The following RUVBL1 variants were observed in gnomAD, a reference collection of about 807,000 sequenced individuals.
RUVBL1 encodes RuvB like AAA ATPase 1.
RUVBL1 carries 4 observed loss-of-function variants against 52.4 expected under a neutral mutation model. That is an observed-to-expected ratio of 0.08 (90% CI 0.04 to 0.17). RUVBL1 has a LOEUF of 0.17. Among genes scored for constraint, RUVBL1 ranks in the 10% least tolerant of loss-of-function variants. The probability of loss-of-function intolerance (pLI) is 1.00; values close to 1 mark genes in which losing one functional copy is unlikely to be tolerated. For synonymous variants in RUVBL1, 217 were observed against 214.4 expected, an observed-to-expected ratio of 1.01 and a Z score of -0.10; for missense variants, 298 against 572.8, an observed-to-expected ratio of 0.52 and a Z score of 4.90.
intron 9 of RUVBL1, among the ~76,000 whole-genome samples, chr3:128,086,475 C>T (rs777718111): frequency 1.3e-4 from 20 of 152,218 alleles, no homozygotes; most frequent in Admixed American, 5.2e-4. Context: ...TCACTGCAGC[C>T]CCAGTCTGCT....
intron 1 of RUVBL1, among the ~76,000 whole-genome samples, chr3:128,130,384 C>G (rs1251289318): frequency 4.5e-4 from 69 of 151,940 alleles, no homozygotes; most frequent in Non-Finnish European, 4.4e-5. Context: ...AGTAAGGAGA[C>G]TGAGTCAGTA....
intron 7 of RUVBL1, among the ~76,000 whole-genome samples, chr3:128,098,473 C>G (rs539829863): frequency 3.9e-5 from 6 of 152,288 alleles, no homozygotes; most frequent in African/African-American, 1.4e-4. Context: ...CACAGGGGAG[C>G]AGCAGCAGTG....
intron 1 of RUVBL1, among the ~76,000 whole-genome samples, chr3:128,137,139 G>A (rs13069054): frequency 0.15 from 23,529 of 151,900 alleles, 2,202 homozygotes; most frequent in African/African-American, 0.26. Flanking sequence ...TAACTTACTG[G>A]TGCATCTTAA....
intron 1 of RUVBL1, among the ~76,000 whole-genome samples, chr3:128,130,714 G>C (rs957341433): frequency 2.0e-5 from 3 of 151,252 alleles, no homozygotes; most frequent in African/African-American, 7.3e-5. Flanking sequence ...GCAGTGGCGC[G>C]ATCTCGGCTC....
rs755173813 is a variant in RUVBL1 at position 128,065,228 on chromosome 3, T to A, written c.940-8A>T. ...TTCATTGAGTCATGGGACCTGCCATTAACGAAACAAAATTAAGGCAGTTCT... is the reference window on the plus strand; with the variant it reads ...TTCATTGAGTCATGGGACCTGCCATAAACGAAACAAAATTAAGGCAGTTCT... On this transcript the variant is annotated splice_region_variant and splice_polypyrimidine_tract_variant and intron_variant, in intron 9 of 9. Coordinates refer to the RUVBL1 transcript ENST00000464873. The A allele has an allele frequency of 3.1e-4, 213 of 694,170 alleles. 1 individual carries two copies. Among genetic ancestry groups the A allele is most frequent in the South Asian group, 9.4e-4 (59 of 62,614 alleles). The allele number at this position is 694,170 out of a possible 1,614,324, so 43.0% of individuals were successfully genotyped here.
At chr3:128,107,439 T>G (rs374338147) in intron 3 of RUVBL1, among the ~76,000 whole-genome samples, 1 of 152,246 alleles carries the variant, frequency 6.6e-6, no homozygotes, top group East Asian at 1.9e-4. Context: ...TTAAGCTACC[T>G]CCGTTCTGAT....
At chr3:128,144,420 C>T (rs1379593865) in intron 1 of RUVBL1, among the ~76,000 whole-genome samples, 2 of 152,226 alleles carry the variant, frequency 1.3e-5, no homozygotes, top group Non-Finnish European at 2.9e-5. Context: ...GAACCAGCAT[C>T]GCATTAACAT....
chr3:128,150,572 A>G (rs1576494930), intron 1 of RUVBL1, among the ~76,000 whole-genome samples: 2 of 143,918 alleles, frequency 1.4e-5, no homozygotes, highest in East Asian at 4.0e-4. Flanking sequence ...TATATTCCAT[A>G]TATATATTCC....
At chr3:128,101,118 C>T (rs1045707794) in intron 5 of RUVBL1, among the ~76,000 whole-genome samples, 2 of 152,184 alleles carry the variant, frequency 1.3e-5, no homozygotes, top group Non-Finnish European at 2.9e-5. Flanking sequence ...ATCCATTAAA[C>T]AGTGAGGAAC....
intron 1 of RUVBL1, among the ~76,000 whole-genome samples, chr3:128,130,568 T>G (rs929999197): frequency 2.0e-5 from 3 of 147,260 alleles, no homozygotes; most frequent in African/African-American, 7.6e-5. Context: ...CAAGACCAGG[T>G]TGGGAAATAG....
chr3:128,088,445 T>C (rs557391214), intron 8 of RUVBL1, among the ~76,000 whole-genome samples: 2 of 148,620 alleles, frequency 1.3e-5, no homozygotes, highest in African/African-American at 4.9e-5. Flanking sequence ...TATTATAGTA[T>C]ATACTAATTA....
exon 1 of RUVBL1, chr3:128,153,368 A>C (rs1472365772): frequency 1.4e-6 from 2 of 1,387,098 alleles, no homozygotes; most frequent in African/African-American, 3.1e-5. Flanking sequence ...CGTGAGCCTC[A>C]GGAGGGCGGA....
chr3:128,075,800 C>A (rs546387341), intron 9 of RUVBL1: 1 of 152,336 alleles, frequency 6.6e-6, no homozygotes, highest in African/African-American at 2.4e-5. Flanking sequence ...GGGTGCCTCG[C>A]GGCCCTGGAA....
intron 9 of RUVBL1, among the ~76,000 whole-genome samples, chr3:128,071,996 T>G (rs893364326): frequency 1.3e-5 from 2 of 152,250 alleles, no homozygotes; most frequent in Non-Finnish European, 2.9e-5. Flanking sequence ...AGTGGGAACC[T>G]TCTAGCAGGA....
chr3:128,149,266 C>T (rs555535898), intron 1 of RUVBL1, among the ~76,000 whole-genome samples: 1 of 151,352 alleles, frequency 6.6e-6, no homozygotes, highest in Non-Finnish European at 1.5e-5. Flanking sequence ...CTCACTGCAA[C>T]CTCTGCATCC....
chr3:128,137,254 A>G (rs1412174115), intron 1 of RUVBL1, among the ~76,000 whole-genome samples: 2 of 152,234 alleles, frequency 1.3e-5, no homozygotes, highest in Non-Finnish European at 2.9e-5. Flanking sequence ...AAGCAATGAA[A>G]TGAAGAGTTG....
At chr3:128,144,281 T>C (rs886083306) in intron 1 of RUVBL1, among the ~76,000 whole-genome samples, 1 of 152,232 alleles carries the variant, frequency 6.6e-6, no homozygotes, top group Non-Finnish European at 1.5e-5. Context: ...CAAAGTATAA[T>C]AACTTCCTCT....
At chr3:128,149,294 C>T (rs1232999143) in intron 1 of RUVBL1, among the ~76,000 whole-genome samples, 1 of 151,464 alleles carries the variant, frequency 6.6e-6, no homozygotes, top group African/African-American at 2.4e-5. Flanking sequence ...AAGCAATTCT[C>T]GTGCCTCAGC....
chr3:128,126,708 C>T (rs769065725), upstream of RUVBL1, among the ~76,000 whole-genome samples: 49 of 152,286 alleles, frequency 3.2e-4, no homozygotes, highest in South Asian at 8.3e-4. Context: ...CAAAGTCAGA[C>T]AATTTCTTTC....
Sources: gnomAD v4.1 joint callset for allele counts (sites outside exome capture counted in the v4.1 genomes callset) on GRCh38, gnomAD v4.1.1 for gene constraint, MANE v1.5 for transcripts, NCBI Gene and HGNC (gene_info 2026-07-23, HGNC 2026-07-21) for gene names.